PDZRN4: variants seen among roughly 807,000 people sequenced by gnomAD.
The protein encoded by PDZRN4 is PDZ domain containing ring finger 4.
In PDZRN4, 70 loss-of-function variants were observed where a neutral mutation model predicts 99.0. That is an observed-to-expected ratio of 0.71 (90% CI 0.58 to 0.86). The LOEUF (loss-of-function observed/expected upper bound fraction) is 0.86. Among genes scored for constraint, PDZRN4 ranks in the 40% least tolerant of loss-of-function variants. The probability of loss-of-function intolerance (pLI) is 0.00; values close to 1 mark genes in which losing one functional copy is unlikely to be tolerated. For missense variants in PDZRN4, 1,474 were observed against 1,331.2 expected, an observed-to-expected ratio of 1.11 and a Z score of -1.67; for synonymous variants, 551 against 501.6, an observed-to-expected ratio of 1.10 and a Z score of -1.32.
At chr12:41,211,207 T>A (rs1394161638) in intron 3 of PDZRN4, among the ~76,000 whole-genome samples, 1 of 151,970 alleles carries the variant, frequency 6.6e-6, no homozygotes, top group South Asian at 2.1e-4. Context: ...AATTGTCATA[T>A]CCCTTTTGTC....
chr12:41,238,700 G>A (rs954150487), intron 3 of PDZRN4, among the ~76,000 whole-genome samples: 2 of 99,806 alleles, frequency 2.0e-5, no homozygotes, highest in African/African-American at 7.7e-5. Context: ...AGTCAGAATG[G>A]CTATTATTAA....
chr12:41,319,292 A>T (rs1273724122), intron 3 of PDZRN4, among the ~76,000 whole-genome samples: 1 of 152,164 alleles, frequency 6.6e-6, no homozygotes, highest in Non-Finnish European at 1.5e-5. Context: ...CTAAGCCTCC[A>T]GTAGTGGCTG....
In PDZRN4 at chr12:41,518,216, T is replaced by C. The variant is rs1054819305; in HGVS notation, c.1203+8303T>C. Among the ~76,000 whole-genome samples, 6 of 152,114 alleles carry C rather than the reference T, an allele frequency of 3.9e-5. No individual in the cohort carries two copies. The South Asian group carries it at 1.2e-3, about 31-fold the overall frequency. On this transcript the variant is annotated intron_variant, in intron 5 of 9. Transcript: ENST00000402685. Reference sequence around the variant, plus strand: ...GGTTACATATTGCATTTACCAATATTCACTGTCTATTAAATAATCCAGTTC... The same window carrying C: ...GGTTACATATTGCATTTACCAATATCCACTGTCTATTAAATAATCCAGTTC...
At position 41,573,760 on chromosome 12, in the gene PDZRN4, A is replaced by G. The variant is rs1416165346; in HGVS notation, c.2981A>G (p.Lys994Arg). The part of the protein sequence containing the change: ...EINIIELSHK[K>R]MMKKRNKKIL... ...AATATCATTGAACTGAGTCACAAAA[A>G]GATGATGAAAAAGAGAAACAAGAAA... is the stretch of plus-strand genomic sequence containing the variant. The change falls in exon 10 of 10, where the codon AAG (lysine) becomes AGG (arginine). Residue 994 changes from lysine to arginine, a missense_variant. Transcript: ENST00000402685. The G allele has an allele frequency of 6.2e-7, 1 of 1,613,962 alleles. No homozygotes were observed.
intron 3 of PDZRN4, among the ~76,000 whole-genome samples, chr12:41,285,098 A>G (rs1951413916): frequency 6.6e-6 from 1 of 152,194 alleles, no homozygotes; most frequent in South Asian, 2.1e-4. Context: ...AAATTTTGCA[A>G]TCTATCCATC....
At chr12:41,299,892 T>A (rs527740161) in intron 3 of PDZRN4, among the ~76,000 whole-genome samples, 1 of 152,076 alleles carries the variant, frequency 6.6e-6, no homozygotes, top group South Asian at 2.1e-4. Flanking sequence ...TTATGATGCT[T>A]TCATGAACAA....
At chr12:41,233,067 T>C (rs1951039577) in intron 3 of PDZRN4, among the ~76,000 whole-genome samples, 1 of 152,150 alleles carries the variant, frequency 6.6e-6, no homozygotes, top group African/African-American at 2.4e-5. Context: ...TTTTGGTTAC[T>C]GTAGCCTTGT....
intron 3 of PDZRN4, among the ~76,000 whole-genome samples, chr12:41,464,093 C>T (rs1423277007): frequency 6.6e-6 from 1 of 152,116 alleles, no homozygotes; most frequent in East Asian, 1.9e-4. Context: ...CAGTTACCTC[C>T]AGAAGTGGCT....
chr12:41,522,247 A>T (rs187193572), intron 5 of PDZRN4, among the ~76,000 whole-genome samples: 285 of 152,264 alleles, frequency 1.9e-3, no homozygotes, highest in African/African-American at 6.6e-3. Flanking sequence ...TTCCTGTCTG[A>T]TAGACAAAGA....
intron 3 of PDZRN4, among the ~76,000 whole-genome samples, chr12:41,374,525 G>T (rs11180864): frequency 6.6e-6 from 1 of 151,972 alleles, no homozygotes; most frequent in African/African-American, 2.4e-5. Context: ...GATCAGCAAG[G>T]GTTTCAGAGA....
intron 3 of PDZRN4, among the ~76,000 whole-genome samples, chr12:41,453,117 G>C (rs561998233): frequency 1.3e-5 from 2 of 152,318 alleles, no homozygotes; most frequent in East Asian, 3.9e-4. Flanking sequence ...CTGGAGGAGT[G>C]AGCATAGCTT....
chr12:41,368,821 G>A (rs1429835082), intron 3 of PDZRN4, among the ~76,000 whole-genome samples: 1 of 152,130 alleles, frequency 6.6e-6, no homozygotes, highest in African/African-American at 2.4e-5. Flanking sequence ...AGTCTGGGGA[G>A]CCAAGGGGAT....
chr12:41,241,244 G>C (rs1591981512), intron 3 of PDZRN4, among the ~76,000 whole-genome samples: 1 of 152,176 alleles, frequency 6.6e-6, no homozygotes, highest in East Asian at 1.9e-4. Context: ...TGCTCACAAG[G>C]TTTCAAATTC....
chr12:41,306,289 A>AT, intron 3 of PDZRN4, among the ~76,000 whole-genome samples: 1 of 152,326 alleles, frequency 6.6e-6, no homozygotes, highest in South Asian at 2.1e-4. Context: ...GCCCTGCCCC[A>AT]TGGCTTTGAC....
intron 5 of PDZRN4, among the ~76,000 whole-genome samples, chr12:41,547,743 C>A (rs1938982666): frequency 6.6e-6 from 1 of 152,174 alleles, no homozygotes; most frequent in Non-Finnish European, 1.5e-5. Context: ...CTGTTGTTTG[C>A]CAGCATCATG....
intron 3 of PDZRN4, among the ~76,000 whole-genome samples, chr12:41,424,088 C>G (rs961047653): frequency 2.0e-5 from 3 of 152,154 alleles, no homozygotes; most frequent in African/African-American, 7.2e-5. Context: ...GCTGTCCATT[C>G]TATGTCTGGT....
chr12:41,336,788 G>GT (rs1378927237), intron 3 of PDZRN4, among the ~76,000 whole-genome samples: 1 of 151,922 alleles, frequency 6.6e-6, no homozygotes, highest in African/African-American at 2.4e-5. Context: ...GGGGGTCGCT[G>GT]TGAGTTTTTC....
intron 3 of PDZRN4, among the ~76,000 whole-genome samples, chr12:41,351,324 C>A (rs896606621): frequency 6.6e-6 from 1 of 152,026 alleles, no homozygotes; most frequent in East Asian, 1.9e-4. Flanking sequence ...AAAACAGCTT[C>A]TTCTGTAAAG....
intron 3 of PDZRN4, among the ~76,000 whole-genome samples, chr12:41,214,450 AGT>A (rs1950908293): frequency 1.7e-4 from 25 of 146,400 alleles, no homozygotes; most frequent in South Asian, 2.2e-4. Context: ...AAAAAAAAAA[AGT>A]TATCTATTTG....
Sources: allele counts gnomAD v4.1 joint callset (sites outside exome capture counted in the v4.1 genomes callset), GRCh38; gene constraint gnomAD v4.1.1; transcripts MANE v1.5; gene names NCBI Gene and HGNC (gene_info 2026-07-23, HGNC 2026-07-21).